Variants in ASTN2 observed in about 807,000 individuals in gnomAD.
ASTN2 encodes the protein astrotactin-2.
A neutral mutation model predicts 139.8 loss-of-function variants in ASTN2; 54 were observed. The observed-to-expected ratio is 0.39, with a 90% CI of 0.31 to 0.48. The LOEUF (loss-of-function observed/expected upper bound fraction) is 0.48. ASTN2 is among the 20% of genes least tolerant of loss of function. ASTN2 has a pLI of 0.95. For synonymous variants in ASTN2, 756 were observed against 719.5 expected, an observed-to-expected ratio of 1.05 and a Z score of -0.81; for missense variants, 1,565 against 1,725.1, an observed-to-expected ratio of 0.91 and a Z score of 1.64.
chr9:117,178,212 T>C (rs1169875986), intron 3 of ASTN2, among the ~76,000 whole-genome samples: 3 of 152,188 alleles, frequency 2.0e-5, no homozygotes, highest in Non-Finnish European at 4.4e-5. Flanking sequence ...TTTTTATGAA[T>C]GCATTCATGT....
At position 116,506,868 on chromosome 9, in the gene ASTN2, C is replaced by T. The variant is rs143299914; in HGVS notation, c.3356-19368G>A. Reference sequence around the variant, plus strand: ...GAGGGGAAAGGAACCTGGGCTTGGACGTGGGCTGTGCTCTGACTTGCTTTT... The same window carrying T: ...GAGGGGAAAGGAACCTGGGCTTGGATGTGGGCTGTGCTCTGACTTGCTTTT... On this transcript the variant is annotated intron_variant, in intron 19 of 22. Coordinates refer to ENST00000313400, the MANE Select transcript of ASTN2 (RefSeq NM_001365068.1). 7.7e-3 allele frequency among the ~76,000 whole-genome samples: 1,173 copies of T among 152,256 alleles called. 15 individuals carry two copies. The highest frequency in any genetic ancestry group is 0.023 in the African/African-American group (939 of 41,526).
intron 1 of ASTN2, among the ~76,000 whole-genome samples, chr9:117,362,871 T>C (rs1829731693): frequency 6.6e-6 from 1 of 152,104 alleles, no homozygotes; most frequent in African/African-American, 2.4e-5. Context: ...CACACCAGTC[T>C]CTTTTCCTGG....
rs60618068 is a variant in ASTN2, at chr9:116,502,682, AGAAGGAAGGAAGGAAG to A, written c.3356-15198_3356-15183del. 1.6e-3 allele frequency among the ~76,000 whole-genome samples: 151 copies of A among 96,446 alleles called. 4 individuals are homozygous for A. The highest frequency in any genetic ancestry group is 2.6e-3 in the African/African-American group (67 of 25,362). The allele number at this position is 96,446 out of a possible 152,430, so 63.3% of individuals were successfully genotyped here. ...AAGAAAAACAGAAGGAAGAAAGGAA[AGAAGGAAGGAAGGAAG>A]GAAGGAAGGAAGGAAGGAAGGAAGG... On this transcript the variant is annotated intron_variant, in intron 19 of 22. Transcript: ENST00000313400.
At chr9:116,720,314 A>G (rs545622304) in intron 16 of ASTN2, among the ~76,000 whole-genome samples, 1 of 152,320 alleles carries the variant, frequency 6.6e-6, no homozygotes, top group South Asian at 2.1e-4. Context: ...GGCGACATGT[A>G]TTTATCTGTG....
chr9:116,958,324 C>T (rs1294002838), intron 10 of ASTN2, among the ~76,000 whole-genome samples: 1 of 152,136 alleles, frequency 6.6e-6, no homozygotes, highest in Non-Finnish European at 1.5e-5. Context: ...GGCGTGGTGG[C>T]TCACGCCTGT....
At chr9:117,082,029 A>G (rs1258304393) in intron 5 of ASTN2, among the ~76,000 whole-genome samples, 1 of 152,180 alleles carries the variant, frequency 6.6e-6, no homozygotes, top group Non-Finnish European at 1.5e-5. Context: ...GAGTTAATAA[A>G]TGCATGTTCT....
At chr9:116,632,182 GAGGGA>G in intron 17 of ASTN2, among the ~76,000 whole-genome samples, 1 of 15,910 alleles carries the variant, frequency 6.3e-5, no homozygotes, top group African/African-American at 3.0e-4. Flanking sequence ...GAGAGAGAGA[GAGGGA>G]GAGAGAGAGA....
chr9:116,569,374 C>T (rs571290852), intron 19 of ASTN2, among the ~76,000 whole-genome samples: 1 of 152,108 alleles, frequency 6.6e-6, no homozygotes, highest in Non-Finnish European at 1.5e-5. Context: ...GTTCCTGGCA[C>T]AATATTAAGT....
intron 13 of ASTN2, among the ~76,000 whole-genome samples, chr9:116,739,165 T>G (rs1829027278): frequency 6.6e-6 from 1 of 152,158 alleles, no homozygotes; most frequent in Admixed American, 6.5e-5. Flanking sequence ...GTGAGAGGTC[T>G]CCTTCATTTC....
chr9:116,849,043 T>G (rs1462367502), intron 11 of ASTN2, among the ~76,000 whole-genome samples: 2 of 152,112 alleles, frequency 1.3e-5, no homozygotes, highest in African/African-American at 4.8e-5. Flanking sequence ...ATACTTATGT[T>G]CCCTGGTTTA....
At chr9:116,566,312 C>T (rs1402298542) in intron 19 of ASTN2, among the ~76,000 whole-genome samples, 1 of 152,138 alleles carries the variant, frequency 6.6e-6, no homozygotes, top group African/African-American at 2.4e-5. Context: ...TCCCATTTCA[C>T]CCAATACTGG....
At chr9:117,324,277 TA>T (rs1828438969) in intron 1 of ASTN2, among the ~76,000 whole-genome samples, 1 of 152,154 alleles carries the variant, frequency 6.6e-6, no homozygotes, top group Non-Finnish European at 1.5e-5. Flanking sequence ...TAGATCCAAA[TA>T]TGGATGGTAT....
At chr9:116,571,301 G>A (rs1016060966) in intron 19 of ASTN2, among the ~76,000 whole-genome samples, 1 of 152,188 alleles carries the variant, frequency 6.6e-6, no homozygotes, top group Non-Finnish European at 1.5e-5. Context: ...GAGGCAGAGA[G>A]GGGAAAGAGA....
intron 16 of ASTN2, among the ~76,000 whole-genome samples, chr9:116,672,521 A>G (rs1859259134): frequency 6.6e-6 from 1 of 152,216 alleles, no homozygotes; most frequent in South Asian, 2.1e-4. Context: ...TATTGTGTTG[A>G]GAATAGTAAT....
intron 7 of ASTN2, among the ~76,000 whole-genome samples, chr9:116,990,813 C>T (rs1169438697): frequency 1.3e-5 from 2 of 152,258 alleles, no homozygotes; most frequent in South Asian, 4.1e-4. Flanking sequence ...AATTAAGCAA[C>T]GTGTGTCTAA....
chr9:117,210,709 GA>G (rs1832092316), intron 3 of ASTN2, among the ~76,000 whole-genome samples: 1 of 151,922 alleles, frequency 6.6e-6, no homozygotes, highest in East Asian at 1.9e-4. Flanking sequence ...CATTCTACAA[GA>G]CATGCATCAC....
intron 4 of ASTN2, among the ~76,000 whole-genome samples, chr9:117,131,303 G>A (rs1027087946): frequency 6.6e-6 from 1 of 152,020 alleles, no homozygotes; most frequent in African/African-American, 2.4e-5. Context: ...AGGCACAACT[G>A]ACCAGCATTA....
At position 116,718,972 on chromosome 9, in the gene ASTN2, G is replaced by GTA. The variant is rs373217069; in HGVS notation, c.2806+6797_2806+6798dup. ...TATTTACATATCTATACCTGTATCT[G>GTA]TACATATATATATATATATCTGCCT... On this transcript the variant is annotated intron_variant, in intron 16 of 22. Transcript: ENST00000313400. Among the ~76,000 whole-genome samples, 95 of 100,050 alleles carry GTA rather than the reference G, an allele frequency of 9.5e-4. 13 individuals carry two copies. Among genetic ancestry groups the GTA allele is most frequent in the Admixed American group, 5.1e-3 (43 of 8,418 alleles). 65.6% of individuals were successfully genotyped at this position (100,050 alleles called of 152,430 possible). A position where few individuals can be genotyped will look rare whatever the true frequency, so the allele number is the denominator to read the frequency against.
intron 17 of ASTN2, among the ~76,000 whole-genome samples, chr9:116,644,719 A>C (rs544037102): frequency 6.6e-6 from 1 of 152,296 alleles, no homozygotes; most frequent in South Asian, 2.1e-4. Context: ...ATGGAGTGCA[A>C]GATATGTATA....
Sources: allele counts gnomAD v4.1 joint callset (sites outside exome capture counted in the v4.1 genomes callset), GRCh38; gene constraint gnomAD v4.1.1; transcripts MANE v1.5; gene names NCBI Gene and HGNC (gene_info 2026-07-23, HGNC 2026-07-21).